The following BRINP3 variants were observed in gnomAD, a reference collection of about 807,000 sequenced individuals.
The protein encoded by BRINP3 is BMP/retinoic acid inducible neural specific 3.
In BRINP3, 19 loss-of-function variants were observed where a neutral mutation model predicts 71.0. The ratio of observed to expected loss-of-function variants is 0.27; its 90% CI spans 0.19 to 0.39. The LOEUF (loss-of-function observed/expected upper bound fraction) is 0.39. Among genes scored for constraint, BRINP3 ranks in the 10% least tolerant of loss-of-function variants. The probability of loss-of-function intolerance (pLI) is 1.00; values close to 1 mark genes in which losing one functional copy is unlikely to be tolerated. For synonymous variants in BRINP3, 380 were observed against 337.7 expected (o/e 1.13, Z -1.37); for missense variants, 959 against 940.8 (o/e 1.02, Z -0.25).
At chr1:190,289,315 T>C (rs984164539) in intron 2 of BRINP3, among the ~76,000 whole-genome samples, 4 of 151,938 alleles carry the variant, frequency 2.6e-5, no homozygotes, top group Non-Finnish European at 2.9e-5. Flanking sequence ...CCTTTTAAAA[T>C]GTTAGATGAT....
intron 6 of BRINP3, among the ~76,000 whole-genome samples, chr1:190,215,745 C>A (rs772714936): frequency 1.3e-5 from 2 of 151,710 alleles, no homozygotes; most frequent in Non-Finnish European, 2.9e-5. Context: ...AGATGGCCGC[C>A]AACTGTCATT....
At position 190,386,659 on chromosome 1, in the gene BRINP3, C is replaced by T. The variant is rs540101555; in HGVS notation, c.236+67996G>A. On this transcript the variant is annotated intron_variant, in intron 2 of 7. Transcript: ENST00000367462. The stretch of plus-strand genomic sequence containing the variant: ...TCTGGAGTCAGATGCCTGAGGTGAT[C>T]CATCAACTTCATCTTTTGAGCTTGG... 2.2e-3 allele frequency among the ~76,000 whole-genome samples: 329 copies of T among 151,966 alleles called. 2 individuals carry two copies. Among genetic ancestry groups the T allele is most frequent in the Non-Finnish European group, 3.3e-3 (226 of 67,942 alleles).
chr1:190,434,956 A>C (rs1674356993), intron 2 of BRINP3, among the ~76,000 whole-genome samples: 1 of 152,138 alleles, frequency 6.6e-6, no homozygotes, highest in African/African-American at 2.4e-5. Context: ...TTGGTGACTT[A>C]ACAGTATAGT....
chr1:190,312,408 GA>G (rs921089709), intron 2 of BRINP3, among the ~76,000 whole-genome samples: 50 of 151,342 alleles, frequency 3.3e-4, no homozygotes, highest in African/African-American at 1.2e-3. Context: ...ATATTTGAAA[GA>G]AAAAATACTT....
intron 5 of BRINP3, among the ~76,000 whole-genome samples, chr1:190,230,819 T>A (rs1420142744): frequency 6.6e-6 from 1 of 151,554 alleles, no homozygotes; most frequent in Admixed American, 6.6e-5. Context: ...TTCCTCCAAG[T>A]CATTATTTCA....
intron 2 of BRINP3, among the ~76,000 whole-genome samples, chr1:190,419,550 G>A (rs772344973): frequency 1.5e-4 from 23 of 151,964 alleles, no homozygotes; most frequent in Non-Finnish European, 2.5e-4. Flanking sequence ...AAACTAAACT[G>A]AGGAAGTAGC....
chr1:190,314,812 C>G (rs1256616088), intron 2 of BRINP3, among the ~76,000 whole-genome samples: 1 of 152,066 alleles, frequency 6.6e-6, no homozygotes, highest in Non-Finnish European at 1.5e-5. Context: ...TGAATGCACG[C>G]ATAAGAATTA....
intron 2 of BRINP3, among the ~76,000 whole-genome samples, chr1:190,342,989 C>A (rs1222223296): frequency 6.6e-6 from 1 of 151,768 alleles, no homozygotes; most frequent in Non-Finnish European, 1.5e-5. Context: ...AGACTTCATT[C>A]AGTAGGATTC....
intron 6 of BRINP3, among the ~76,000 whole-genome samples, chr1:190,192,882 G>C (rs571685673): frequency 6.6e-6 from 1 of 151,952 alleles, no homozygotes; most frequent in African/African-American, 2.4e-5. Context: ...GGAAATATTC[G>C]GGGTAATAAT....
intron 7 of BRINP3, among the ~76,000 whole-genome samples, chr1:190,112,159 A>G (rs1191123979): frequency 6.6e-6 from 1 of 152,186 alleles, no homozygotes; most frequent in Non-Finnish European, 1.5e-5. Flanking sequence ...TAGTAACAAC[A>G]TGGGAGAGAA....
chr1:190,359,147 A>C (rs1311916917), intron 2 of BRINP3, among the ~76,000 whole-genome samples: 1 of 152,130 alleles, frequency 6.6e-6, no homozygotes, highest in Non-Finnish European at 1.5e-5. Flanking sequence ...GTACCCTAAA[A>C]CTTAAAGTAT....
intron 2 of BRINP3, among the ~76,000 whole-genome samples, chr1:190,383,644 A>C (rs1670692878): frequency 6.6e-6 from 1 of 152,032 alleles, no homozygotes; most frequent in African/African-American, 2.4e-5. Context: ...CCTATTTGCC[A>C]CTTTGCAATC....
chr1:190,302,715 T>A (rs999300139), intron 2 of BRINP3: 2 of 151,934 alleles, frequency 1.3e-5, no homozygotes, highest in Admixed American at 1.3e-4. Flanking sequence ...TAGTTTTGGG[T>A]TGCTGAGAGC....
chr1:190,267,614 G>A (rs548910123), intron 3 of BRINP3, among the ~76,000 whole-genome samples: 84 of 151,904 alleles, frequency 5.5e-4, no homozygotes, highest in African/African-American at 1.9e-3. Context: ...GAGTGGAAAC[G>A]ATAAACACAA....
At chr1:190,473,267 C>T (rs1022910194) in intron 1 of BRINP3, among the ~76,000 whole-genome samples, 11 of 151,908 alleles carry the variant, frequency 7.2e-5, no homozygotes, top group South Asian at 2.1e-4. Context: ...ATTACTTTCC[C>T]TAGTGGAGGA....
At chr1:190,435,456 A>G (rs1056360301) in intron 2 of BRINP3, among the ~76,000 whole-genome samples, 5 of 151,998 alleles carry the variant, frequency 3.3e-5, no homozygotes, top group African/African-American at 1.2e-4. Context: ...ATAACGTGAG[A>G]TCGAGCAGAC....
intron 7 of BRINP3, among the ~76,000 whole-genome samples, chr1:190,152,993 G>A (rs1393320844): frequency 6.6e-6 from 1 of 152,038 alleles, no homozygotes; most frequent in Non-Finnish European, 1.5e-5. Flanking sequence ...AAATATTATG[G>A]CAAAAATAAA....
chr1:190,380,260 G>A (rs1194976913), intron 2 of BRINP3, among the ~76,000 whole-genome samples: 5 of 152,154 alleles, frequency 3.3e-5, no homozygotes, highest in Non-Finnish European at 7.4e-5. Context: ...TGGTTAATGA[G>A]GGAAAGTGGG....
At chr1:190,110,875 G>C (rs1652607200) in intron 7 of BRINP3, among the ~76,000 whole-genome samples, 1 of 152,040 alleles carries the variant, frequency 6.6e-6, no homozygotes, top group Non-Finnish European at 1.5e-5. Flanking sequence ...CACAATCTAT[G>C]ATTCTTCTAG....
Sources: gnomAD v4.1 joint callset for allele counts (sites outside exome capture counted in the v4.1 genomes callset) on GRCh38, gnomAD v4.1.1 for gene constraint, MANE v1.5 for transcripts, NCBI Gene and HGNC (gene_info 2026-07-23, HGNC 2026-07-21) for gene names.